The following SLC35F4 variants were observed in gnomAD, a reference collection of about 807,000 sequenced individuals.
The protein encoded by SLC35F4 is solute carrier family 35 member F4, also known as chromosome 14 open reading frame 36.
Under a neutral mutation model 44.2 loss-of-function variants are expected in SLC35F4, and 24 were observed. The observed-to-expected ratio is 0.54, with a 90% confidence interval of 0.39 to 0.76. The LOEUF is 0.76. Among genes scored for constraint, SLC35F4 ranks in the 30% least tolerant of loss-of-function variants. The pLI is 0.00. For synonymous variants in SLC35F4, 238 were observed against 223.6 expected (o/e 1.06, Z -0.57); for missense variants, 562 against 586.1 (o/e 0.96, Z 0.42).
chr14:57,838,787 T>C (rs187268735), intron 1 of SLC35F4, among the ~76,000 whole-genome samples: 4 of 151,962 alleles, frequency 2.6e-5, no homozygotes, highest in Non-Finnish European at 5.9e-5. Context: ...AGATTATAGG[T>C]GTATATAGAG....
intron 1 of SLC35F4, among the ~76,000 whole-genome samples, chr14:57,894,843 C>T (rs1472065946): frequency 1.3e-5 from 2 of 152,072 alleles, no homozygotes; most frequent in African/African-American, 2.4e-5. Flanking sequence ...TAATAAAAGG[C>T]TATTTGAGAG....
At chr14:57,687,189 C>G (rs1478286124) in intron 1 of SLC35F4, among the ~76,000 whole-genome samples, 1 of 152,148 alleles carries the variant, frequency 6.6e-6, no homozygotes, top group East Asian at 1.9e-4. Context: ...TTAAGCTCCC[C>G]AGTCTGTGAT....
downstream of SLC35F4, among the ~76,000 whole-genome samples, chr14:57,972,330 C>T (rs1346500713): frequency 3.9e-5 from 6 of 152,196 alleles, no homozygotes; most frequent in Admixed American, 1.3e-4. Context: ...TGGATGGAAG[C>T]AGAAGCAGGG....
chr14:57,815,504 A>G (rs1173603699), intron 1 of SLC35F4, among the ~76,000 whole-genome samples: 1 of 152,180 alleles, frequency 6.6e-6, no homozygotes, highest in African/African-American at 2.4e-5. Context: ...CCTTAACTTC[A>G]AGGGCTGAGA....
intron 1 of SLC35F4, among the ~76,000 whole-genome samples, chr14:57,740,525 T>G (rs1258444336): frequency 6.6e-6 from 1 of 152,036 alleles, no homozygotes; most frequent in Admixed American, 6.6e-5. Context: ...TAAACAGAAG[T>G]TAATTAATGG....
chr14:57,729,408 T>C (rs1286660628), intron 1 of SLC35F4, among the ~76,000 whole-genome samples: 3 of 152,204 alleles, frequency 2.0e-5, no homozygotes, highest in Admixed American at 1.3e-4. Flanking sequence ...TCCTCGGGTA[T>C]TGCTGTTAGC....
chr14:57,693,515 C>T (rs1481708546), intron 1 of SLC35F4, among the ~76,000 whole-genome samples: 2 of 152,216 alleles, frequency 1.3e-5, no homozygotes, highest in African/African-American at 2.4e-5. Context: ...AGGACAAGCT[C>T]CTGCTGCAGA....
At position 57,795,754 on chromosome 14, in the gene SLC35F4, C is replaced by T. The variant is rs191899297; in HGVS notation, c.103+69969G>A. On this transcript the variant is annotated intron_variant, in intron 1 of 7. Transcript: ENST00000556826. ...TAAAAATATTTATATGATGAACTTA[C>T]GAATAATTTAAAAATTAATAATAGA... is the stretch of plus-strand genomic sequence containing the variant. Among the ~76,000 whole-genome samples the T allele has an allele frequency of 2.4e-3, 368 of 152,142 alleles. 2 individuals are homozygous for T. Among genetic ancestry groups the T allele is most frequent in the Non-Finnish European group, 4.1e-3 (278 of 68,000 alleles).
At chr14:57,783,307 A>G (rs1353523361) in intron 1 of SLC35F4, among the ~76,000 whole-genome samples, 4 of 152,148 alleles carry the variant, frequency 2.6e-5, no homozygotes, top group Non-Finnish European at 5.9e-5. Flanking sequence ...AAGAGGCAGC[A>G]GAGAGTTCCC....
At position 57,622,266 on chromosome 14, in the gene SLC35F4, C is replaced by T. The variant is rs1234788660; in HGVS notation, c.104-28142G>A. Among the ~76,000 whole-genome samples, 6 of 134,120 alleles carry T rather than the reference C, an allele frequency of 4.5e-5. 1 individual carries two copies. Among genetic ancestry groups the T allele is most frequent in the African/African-American group, 1.5e-4 (5 of 33,954 alleles). 88.0% of individuals were successfully genotyped at this position (134,120 alleles called of 152,430 possible). On this transcript the variant is annotated intron_variant, in intron 1 of 7. Coordinates refer to ENST00000556826, the MANE Select transcript of SLC35F4 (RefSeq NM_001306087.2). ...ACTGTGGAAGTCAGTGTGGCGATTC[C>T]TCAGGGATCTAGAACTAGAAATACC...
At chr14:57,793,721 T>C (rs1172990135) in intron 1 of SLC35F4, among the ~76,000 whole-genome samples, 2 of 152,156 alleles carry the variant, frequency 1.3e-5, no homozygotes, top group Non-Finnish European at 2.9e-5. Flanking sequence ...AATGACTCCT[T>C]TTCCTTTGGG....
intron 1 of SLC35F4, among the ~76,000 whole-genome samples, chr14:57,821,198 G>A (rs1041949925): frequency 2.7e-5 from 4 of 149,094 alleles, no homozygotes; most frequent in Non-Finnish European, 5.9e-5. Flanking sequence ...CAGGCTTTTG[G>A]ATTTTTGTGA....
intron 1 of SLC35F4, among the ~76,000 whole-genome samples, chr14:57,747,506 G>GTA (rs1402590818): frequency 1.3e-5 from 2 of 152,080 alleles, no homozygotes; most frequent in Admixed American, 6.6e-5. Context: ...CCCCAGTATG[G>GTA]TATTGTGAAC....
chr14:57,782,887 A>G (rs1162333360), intron 1 of SLC35F4, among the ~76,000 whole-genome samples: 1 of 152,206 alleles, frequency 6.6e-6, no homozygotes, highest in African/African-American at 2.4e-5. Context: ...ACAAAAATAA[A>G]GTTGAATTGC....
intron 1 of SLC35F4, among the ~76,000 whole-genome samples, chr14:57,717,925 G>C (rs2075985248): frequency 6.6e-6 from 1 of 152,074 alleles, no homozygotes; most frequent in African/African-American, 2.4e-5. Context: ...TAGTCCTGCT[G>C]TTGTGCTATC....
chr14:57,660,448 G>A (rs1028661319), intron 1 of SLC35F4, among the ~76,000 whole-genome samples: 9 of 151,060 alleles, frequency 6.0e-5, no homozygotes, highest in African/African-American at 1.9e-4. Context: ...CAGCAGCTAC[G>A]TGGTATACTG....
At chr14:57,873,925 G>A (rs989868359) in intron 1 of SLC35F4, among the ~76,000 whole-genome samples, 1 of 152,112 alleles carries the variant, frequency 6.6e-6, no homozygotes. Context: ...TAATTCTTCT[G>A]TCTTTCCATG....
At chr14:57,785,299 G>A (rs979914266) in intron 1 of SLC35F4, among the ~76,000 whole-genome samples, 25 of 152,168 alleles carry the variant, frequency 1.6e-4, no homozygotes, top group African/African-American at 6.0e-4. Context: ...TCTTGGCCAA[G>A]GGCAACAAAC....
At chr14:57,754,163 G>A (rs913042488) in intron 1 of SLC35F4, among the ~76,000 whole-genome samples, 20 of 142,636 alleles carry the variant, frequency 1.4e-4, no homozygotes, top group African/African-American at 4.0e-4. Context: ...AGTGCAGTGT[G>A]CGTGATCTCG....
Sources: gnomAD v4.1 joint callset for allele counts (sites outside exome capture counted in the v4.1 genomes callset) on GRCh38, gnomAD v4.1.1 for gene constraint, MANE v1.5 for transcripts, NCBI Gene and HGNC (gene_info 2026-07-23, HGNC 2026-07-21) for gene names.